FSIP2: variants seen among roughly 807,000 people sequenced by gnomAD.
FSIP2 encodes the protein fibrous sheath-interacting protein 2.
Under a neutral mutation model 510.5 loss-of-function variants are expected in FSIP2, and 367 were observed. That is an observed-to-expected ratio of 0.72 (90% CI 0.66 to 0.78). The LOEUF is 0.78. Ranked by LOEUF, FSIP2 falls within the 30% of genes least tolerant of loss-of-function variation. The pLI, the probability that FSIP2 is intolerant of heterozygous loss-of-function variation, is 0.00. For missense variants in FSIP2, 7,594 were observed against 7,901.7 expected (o/e 0.96, Z 1.48); for synonymous variants, 2,601 against 2,732.2 (o/e 0.95, Z 1.50).
intron 13 of FSIP2, among the ~76,000 whole-genome samples, chr2:185,777,220 G>A (rs1245729920): frequency 6.6e-6 from 1 of 152,204 alleles, no homozygotes; most frequent in Non-Finnish European, 1.5e-5. Context: ...ACAGCTGAGG[G>A]AGGTTAGGGG....
chr2:185,805,135 T>C lies in FSIP2; in HGVS notation c.15829T>C (p.Leu5277=). ...GCCTTCTCTCTATTCAGCTACATTTTTGGAAGACATAATCATTGACCTTGT... is the reference window on the plus strand; with the variant it reads ...GCCTTCTCTCTATTCAGCTACATTTCTGGAAGACATAATCATTGACCTTGT... ...TQPSLYSATF[L]EDIIIDLVHK... The change falls in exon 17 of 23, where the codon TTG becomes CTG. Residue 5277 remains leucine (L), a synonymous_variant. Transcript: ENST00000424728. 1 of 1,609,918 alleles carries C rather than the reference T, an allele frequency of 6.2e-7. No homozygotes were observed. The highest frequency in any genetic ancestry group is 1.1e-5 in the South Asian group (1 of 90,662).
intron 4 of FSIP2, 91 bp from the exon 5 acceptor site, chr2:185,745,338 A>T (rs920534321): frequency 1.3e-6 from 1 of 757,968 alleles, no homozygotes; most frequent in African/African-American, 1.8e-5. Flanking sequence ...AACAGAATTA[A>T]GCATTTATAA....
At chr2:185,783,103 T>C (rs1372536108) in intron 14 of FSIP2, among the ~76,000 whole-genome samples, 3 of 152,188 alleles carry the variant, frequency 2.0e-5, no homozygotes, top group African/African-American at 7.2e-5. Context: ...CCATTTCTTA[T>C]GTTTTTTGAG....
At chr2:185,745,263 A>G (rs72898027) in intron 4 of FSIP2, among the ~76,000 whole-genome samples, 166 bp from the exon 5 acceptor site, 2,142 of 152,276 alleles carry the variant, frequency 0.014, 30 homozygotes, top group Non-Finnish European at 0.024. Flanking sequence ...TTTCAGAGAT[A>G]AATCTTAATT....
intron 13 of FSIP2, among the ~76,000 whole-genome samples, chr2:185,782,037 C>T (rs1050083029): frequency 6.6e-6 from 1 of 152,126 alleles, no homozygotes; most frequent in African/African-American, 2.4e-5. Flanking sequence ...GGGGTTTCAC[C>T]GTGTTAGCCA....
intron 12 of FSIP2, among the ~76,000 whole-genome samples, chr2:185,764,037 T>A (rs1431516106): frequency 6.6e-6 from 1 of 151,664 alleles, no homozygotes; most frequent in African/African-American, 2.4e-5. Context: ...TTTAACAGCT[T>A]TGACATTGGG....
At position 185,791,727 on chromosome 2, in the gene FSIP2, G is replaced by A; in HGVS notation, c.4591G>A (p.Ala1531Thr). Residue 1531 changes from alanine to threonine, a missense_variant, in exon 16 of 23, where the codon GCC becomes ACC. Physicochemically the swap from Ala to Thr is moderately conservative, Grantham distance 58 (BLOSUM62 0). Coordinates refer to ENST00000424728, the MANE Select transcript of FSIP2 (RefSeq NM_173651.4). ...PSFASIIEKMAKSTKIISSIV... is the reference protein window; with the variant it reads ...PSFASIIEKMTKSTKIISSIV... ...ATTTGCTTCAATTATTGAGAAAATG[G>A]CCAAATCCACCAAAATAATCTCCAG... 1 of 1,534,416 alleles carries A rather than the reference G, an allele frequency of 6.5e-7. No homozygotes were observed. Among genetic ancestry groups the A allele is most frequent in the Non-Finnish European group, 8.7e-7 (1 of 1,145,610 alleles).
chr2:185,830,331 AAACTTT>A (rs1390851847), intron 21 of FSIP2, among the ~76,000 whole-genome samples: 1 of 151,918 alleles, frequency 6.6e-6, no homozygotes, highest in Non-Finnish European at 1.5e-5. Context: ...TTTTAGATAA[AAACTTT>A]AAAGTCATGA....
Position 185,802,742 on chromosome 2 carries a change from A to G in FSIP2, c.13436A>G (p.Lys4479Arg), listed in dbSNP as rs996638473. ...LEDMIRVLLS[K>R]LFSSASSLVL... ...GATATGATCAGAGTACTATTATCTA[A>G]ATTATTTTCTTCTGCATCTAGCCTG... The change falls in exon 17 of 23, where the codon AAA becomes AGA. Residue 4479 changes from lysine (K) to arginine (R), a missense_variant. Coordinates refer to ENST00000424728, the MANE Select transcript of FSIP2 (RefSeq NM_173651.4). 9.9e-6 allele frequency: 15 copies of G among 1,512,368 alleles called. No individual in the cohort carries two copies. The highest frequency in any genetic ancestry group is 1.7e-4 in the Middle Eastern group (1 of 5,844). 93.7% of individuals were successfully genotyped at this position (1,512,368 alleles called of 1,614,324 possible). A position where few individuals can be genotyped will look rare whatever the true frequency, so the allele number is the denominator to read the frequency against.
At chr2:185,826,974 A>G (rs1355151036) in intron 20 of FSIP2, among the ~76,000 whole-genome samples, 1 of 151,862 alleles carries the variant, frequency 6.6e-6, no homozygotes, top group Non-Finnish European at 1.5e-5. Flanking sequence ...TCTGGGCACC[A>G]TAAATATCAG....
chr2:185,749,450 A>C (rs949824482), intron 7 of FSIP2, among the ~76,000 whole-genome samples: 8 of 151,950 alleles, frequency 5.3e-5, no homozygotes, highest in African/African-American at 1.9e-4. Flanking sequence ...TGAATACTTA[A>C]TGCTAGCATT....
chr2:185,795,371 C>T lies in FSIP2; in HGVS notation c.8235C>T (p.Asn2745=), dbSNP rs1693242815. The T allele has an allele frequency of 1.3e-6, 2 of 1,534,624 alleles. No individual in the cohort carries two copies. The highest frequency in any genetic ancestry group is 1.4e-5 in the African/African-American group (1 of 72,902). ...LKIYAKDIII[N]ILETIVKEFG... The stretch of plus-strand genomic sequence containing the variant: ...TATATGCCAAGGATATAATAATTAA[C>T]ATCCTAGAAACAATTGTGAAGGAAT... The change falls in exon 16 of 23, where the codon AAC becomes AAT. Residue 2745 remains asparagine (N), a synonymous_variant. Coordinates refer to ENST00000424728, the MANE Select transcript of FSIP2 (RefSeq NM_173651.4).
intron 1 of FSIP2, 46 bp from the exon 2 acceptor site, chr2:185,739,300 A>G (rs1691872320): frequency 1.3e-6 from 2 of 1,489,670 alleles, no homozygotes; most frequent in Non-Finnish European, 8.9e-7. Flanking sequence ...AACTAAACTA[A>G]TACTGCCTAA....
Position 185,795,997 on chromosome 2 carries a change from C to A in FSIP2, c.8861C>A (p.Ala2954Asp). Residue 2954 changes from alanine to aspartate, a missense_variant, in exon 16 of 23, where the codon GCT (alanine) becomes GAT (aspartate). Transcript: ENST00000424728. ...TCAAACAGTAAAGAACACATTACTG[C>A]TAAAAGTAAATATGGTTTTCCAAAC... ...TLSNSKEHIT[A>D]KSKYGFPNKH... is the part of the protein sequence containing the mutation. 1 of 1,534,166 alleles carries A rather than the reference C, an allele frequency of 6.5e-7. No homozygotes were observed. Among genetic ancestry groups the A allele is most frequent in the Non-Finnish European group, 8.7e-7 (1 of 1,145,826 alleles).
chr2:185,799,496 T>A (rs1356155183), intron 16 of FSIP2, among the ~76,000 whole-genome samples: 2 of 151,776 alleles, frequency 1.3e-5, no homozygotes, highest in African/African-American at 4.8e-5. Flanking sequence ...TGTTATTTTC[T>A]CAATTTATTG....
At position 185,751,627 on chromosome 2, in the gene FSIP2, A is replaced by AT. The variant is rs559064932; in HGVS notation, c.871-2088dup. Reference sequence around the variant, plus strand: ...TTAGTTTTATGTGTGTCATCTCATTATTTTTTTATTTGTCTCATCTATGTT... The same window carrying AT: ...TTAGTTTTATGTGTGTCATCTCATTATTTTTTTTATTTGTCTCATCTATGTT... On this transcript the variant is annotated intron_variant, in intron 7 of 22. Transcript: ENST00000424728. 3.3e-3 allele frequency among the ~76,000 whole-genome samples: 495 copies of AT among 150,598 alleles called. 6 individuals carry two copies. The highest frequency in any genetic ancestry group is 6.3e-3 in the Non-Finnish European group (422 of 67,336).
intron 8 of FSIP2, among the ~76,000 whole-genome samples, chr2:185,754,833 G>A (rs201550028): frequency 4.0e-5 from 6 of 151,304 alleles, no homozygotes; most frequent in Non-Finnish European, 8.9e-5. Context: ...GTTATGGCTT[G>A]GGCAAATTAT....
Position 185,807,753 on chromosome 2 carries a change from C to G in FSIP2, c.18447C>G (p.Ile6149Met), listed in dbSNP as rs138135058. The G allele has an allele frequency of 1.9e-6, 3 of 1,612,116 alleles. No homozygotes were observed. The highest frequency in any genetic ancestry group is 1.7e-6 in the Non-Finnish European group (2 of 1,179,012). The change falls in exon 17 of 23, where the codon ATC (isoleucine) becomes ATG (methionine). Residue 6149 changes from isoleucine (I) to methionine (M), a missense_variant. Ile to Met is a conservative substitution (Grantham distance 10). Transcript: ENST00000424728. ...TPHQCVEVEN[I>M]VEKILKDVFQ... ...ATCAGTGTGTGGAAGTTGAAAACAT[C>G]GTTGAAAAGATCCTTAAAGATGTTT... is the stretch of plus-strand genomic sequence containing the variant.
intron 13 of FSIP2, among the ~76,000 whole-genome samples, chr2:185,766,777 A>G (rs1424624228): frequency 4.8e-5 from 7 of 145,938 alleles, no homozygotes; most frequent in African/African-American, 1.3e-4. Context: ...TCAGGGATCT[A>G]GAACTGGAAA....
Sources: gnomAD v4.1 joint callset for allele counts (sites outside exome capture counted in the v4.1 genomes callset) on GRCh38, gnomAD v4.1.1 for gene constraint, MANE v1.5 for transcripts, NCBI Gene and HGNC (gene_info 2026-07-23, HGNC 2026-07-21) for gene names.